The following ARSK variants were observed in gnomAD, a reference collection of about 807,000 sequenced individuals.
ARSK encodes arylsulfatase family member K.
In ARSK, 37 loss-of-function variants were observed where a neutral mutation model predicts 53.2. That is an observed-to-expected ratio of 0.70 (90% CI 0.54 to 0.92). ARSK has a LOEUF of 0.92. Among genes scored for constraint, ARSK ranks in the 40% least tolerant of loss-of-function variants. ARSK has a pLI of 0.00. For missense variants in ARSK, 613 were observed against 643.0 expected, an observed-to-expected ratio of 0.95 and a Z score of 0.51; for synonymous variants, 208 against 223.2, an observed-to-expected ratio of 0.93 and a Z score of 0.61.
intron 1 of ARSK, among the ~76,000 whole-genome samples, chr5:95,564,796 C>G (rs1748700591): frequency 6.6e-6 from 1 of 152,190 alleles, no homozygotes; most frequent in South Asian, 2.1e-4. Context: ...CTCAGTTTCC[C>G]ATGCTGTTTC....
chr5:95,582,851 T>C, intron 3 of ARSK, 65 bp from the exon 4 acceptor site: 1 of 1,431,058 alleles, frequency 7.0e-7, no homozygotes, highest in Admixed American at 2.3e-5. Context: ...TCTTAGTGTA[T>C]GCTTAGTATG....
At chr5:95,581,470 A>AC (rs532877896) in intron 3 of ARSK, among the ~76,000 whole-genome samples, 254 of 152,352 alleles carry the variant, frequency 1.7e-3, no homozygotes, top group African/African-American at 5.9e-3. Flanking sequence ...CACAATCAGG[A>AC]CAATAGTCTA....
Position 95,566,128 on chromosome 5 carries a change from G to A in ARSK, c.256+1G>A, listed in dbSNP as rs1748724111. 6.2e-7 allele frequency: 1 copy of A among 1,612,792 alleles called. No homozygotes were observed. Among genetic ancestry groups the A allele is most frequent in the Middle Eastern group, 1.7e-4 (1 of 6,058 alleles). ...CCAATTTGTTGCCCATCACGCGCAGGTATGAACATCCTTAATATGAATGGG... is the reference window on the plus strand; with the variant it reads ...CCAATTTGTTGCCCATCACGCGCAGATATGAACATCCTTAATATGAATGGG... On this transcript the variant is annotated splice_donor_variant, in intron 2 of 7. Transcript: ENST00000380009. LOFTEE classifies it high-confidence loss of function.
chr5:95,603,290 ATTAC>A lies in ARSK; in HGVS notation c.1379_1382del (p.Thr460IlefsTer11), dbSNP rs1242967014. The A allele has an allele frequency of 2.5e-6, 4 of 1,595,506 alleles. No individual in the cohort carries two copies. Among genetic ancestry groups the A allele is most frequent in the Non-Finnish European group, 3.4e-6 (4 of 1,172,666 alleles). ...AAATGTTGCTGTAAAATTTCCAGAA[ATTAC>A]TTATTCTTTGGATCAGAAGCTTCAT... On this transcript the variant is annotated frameshift_variant, in exon 8 of 8. Coordinates refer to ENST00000380009, the MANE Select transcript of ARSK (RefSeq NM_198150.3). LOFTEE classifies it high-confidence loss of function.
At chr5:95,565,886 G>C in intron 1 of ARSK, 112 bp from the exon 2 acceptor site, 3 of 1,018,062 alleles carry the variant, frequency 2.9e-6, no homozygotes, top group Non-Finnish European at 4.2e-6. Flanking sequence ...TATCTTTGGA[G>C]GATTCTTAAA....
Position 95,555,366 on chromosome 5 carries a change from A to G in ARSK, c.88A>G (p.Lys30Glu). The G allele has an allele frequency of 6.2e-7, 1 of 1,610,644 alleles. No homozygotes were observed. Among genetic ancestry groups the G allele is most frequent in the East Asian group, 2.2e-5 (1 of 44,770 alleles). ...AGGGGAGCAGAGGCGGAGAGCAGCC[A>G]AAGCGCCCAATGTGGTGCTGGTCGT... ...GAGEQRRRAA[K>E]APNVVLVVSD... is the part of the protein sequence containing the mutation. The change falls in exon 1 of 8, where the codon AAA (lysine) becomes GAA (glutamate). Residue 30 changes from lysine to glutamate, a missense_variant. Physicochemically the swap from Lys to Glu is moderately conservative, Grantham distance 56. Transcript: ENST00000380009. The surrounding 1 kb of genome is among the most constrained non-coding windows in gnomAD (Gnocchi z 4.0).
chr5:95,586,588 A>C lies in ARSK; in HGVS notation c.726A>C (p.Pro242=). 1 of 1,612,186 alleles carries C rather than the reference A, an allele frequency of 6.2e-7. No homozygotes were observed. The highest frequency in any genetic ancestry group is 8.5e-7 in the Non-Finnish European group (1 of 1,179,372). The change falls in exon 5 of 8, where the codon CCA becomes CCC. Residue 242 remains proline, a synonymous_variant. Coordinates refer to ENST00000380009, the MANE Select transcript of ARSK (RefSeq NM_198150.3). ...EKVSHDAIKI[P]KWSPLSEMHP... ...TGTCTCATGATGCCATCAAAATCCC[A>C]AAGTGGTCACCTTTGTCAGAAATGC...
At chr5:95,598,923 TA>T (rs1489612145) in intron 6 of ARSK, among the ~76,000 whole-genome samples, 1 of 152,212 alleles carries the variant, frequency 6.6e-6, no homozygotes, top group Non-Finnish European at 1.5e-5. Context: ...GGACACTGTC[TA>T]AATGTGACCT....
intron 1 of ARSK, among the ~76,000 whole-genome samples, chr5:95,563,877 C>A (rs2112413731): frequency 6.6e-6 from 1 of 152,012 alleles, no homozygotes; most frequent in East Asian, 1.9e-4. Context: ...AAGATTGTAA[C>A]CATAAGACAT....
chr5:95,581,518 G>A (rs1387470806), intron 3 of ARSK, among the ~76,000 whole-genome samples: 1 of 152,170 alleles, frequency 6.6e-6, no homozygotes, highest in East Asian at 1.9e-4. Context: ...TAATTAGGTT[G>A]TATTAAAAGC....
intron 2 of ARSK, among the ~76,000 whole-genome samples, chr5:95,566,754 G>C (rs1232642307): frequency 6.6e-6 from 1 of 152,080 alleles, no homozygotes; most frequent in African/African-American, 2.4e-5. Flanking sequence ...TCTATTGTCT[G>C]ATGGTTGTTT....
Position 95,583,045 on chromosome 5 carries a change from A to C in ARSK, c.546A>C (p.Lys182Asn), listed in dbSNP as rs1395898071. 1 of 1,613,876 alleles carries C rather than the reference A, an allele frequency of 6.2e-7. No homozygotes were observed. The highest frequency in any genetic ancestry group is 1.7e-5 in the Admixed American group (1 of 60,014). Residue 182 changes from lysine to asparagine, a missense_variant, in exon 4 of 8, where the codon AAA (lysine) becomes AAC (asparagine). Transcript: ENST00000380009. ...VMERDWQNTDKAVNWLRKEAI... is the reference protein window; with the variant it reads ...VMERDWQNTDNAVNWLRKEAI... ...AAAGGGATTGGCAGAATACAGACAA[A>C]GCAGTAAACTGGTTAAGAAAGGAAG...
chr5:95,587,704 C>T (rs907901090), intron 5 of ARSK, among the ~76,000 whole-genome samples: 3 of 152,018 alleles, frequency 2.0e-5, no homozygotes, highest in African/African-American at 4.8e-5. Flanking sequence ...GTCAGGAGTT[C>T]GAGACCAGCC....
chr5:95,580,431 A>G (rs1749002619), intron 3 of ARSK, among the ~76,000 whole-genome samples: 1 of 152,242 alleles, frequency 6.6e-6, no homozygotes, highest in Non-Finnish European at 1.5e-5. Context: ...TTAAGAGACC[A>G]TCACTCTTGT....
At chr5:95,558,501 G>A (rs1293727248) in intron 1 of ARSK, among the ~76,000 whole-genome samples, 2 of 152,052 alleles carry the variant, frequency 1.3e-5, no homozygotes, top group African/African-American at 2.4e-5. Context: ...AGACAAAAGA[G>A]CTAGATGACT....
At position 95,604,851 on chromosome 5, in the gene ARSK, G is replaced by A. The variant is rs1749473480; in HGVS notation, c.*1325G>A. The A allele has an allele frequency of 6.6e-6, 1 of 151,994 alleles. No individual in the cohort carries two copies. The highest frequency in any genetic ancestry group is 2.4e-5 in the African/African-American group (1 of 41,380). 9.4% of individuals were successfully genotyped at this position (151,994 alleles called of 1,614,324 possible). On this transcript the variant is annotated 3_prime_UTR_variant, in exon 8 of 8. Coordinates refer to ENST00000380009, the MANE Select transcript of ARSK (RefSeq NM_198150.3). ...TCTGTTGGTTGTTGGTCTTTGTTTT[G>A]TATTACAGGTGTGCTTTAGATATTA... is the stretch of plus-strand genomic sequence containing the variant.
At chr5:95,602,632 A>G (rs1028188792) in intron 7 of ARSK, among the ~76,000 whole-genome samples, 10 of 152,208 alleles carry the variant, frequency 6.6e-5, no homozygotes, top group African/African-American at 2.4e-4. Flanking sequence ...CTGTCTTCCC[A>G]TACCATATCT....
intron 5 of ARSK, among the ~76,000 whole-genome samples, chr5:95,590,459 AGTGATTAG>A (rs1391045468): frequency 6.6e-6 from 1 of 152,046 alleles, no homozygotes; most frequent in East Asian, 1.9e-4. Flanking sequence ...GACACAATGG[AGTGATTAG>A]GTAATTTAGA....
chr5:95,576,202 T>C (rs1748921673), intron 3 of ARSK, among the ~76,000 whole-genome samples: 1 of 122,560 alleles, frequency 8.2e-6, no homozygotes, highest in Non-Finnish European at 1.6e-5. Context: ...GTGTATACCT[T>C]TTTTTTTTTT....
Sources: allele counts gnomAD v4.1 joint callset (sites outside exome capture counted in the v4.1 genomes callset), GRCh38; gene constraint gnomAD v4.1.1; non-coding constraint Gnocchi (gnomAD v3.1); transcripts MANE v1.5; gene names NCBI Gene and HGNC (gene_info 2026-07-23, HGNC 2026-07-21).